SEMA4B: variants seen among roughly 807,000 people sequenced by gnomAD.
SEMA4B encodes the protein semaphorin-4B.
In SEMA4B, 55 loss-of-function variants were observed where a neutral mutation model predicts 88.1. The ratio of observed to expected loss-of-function variants is 0.62; its 90% CI spans 0.50 to 0.78. SEMA4B has a LOEUF of 0.78. Among genes scored for constraint, SEMA4B ranks in the 30% least tolerant of loss-of-function variants. The probability of loss-of-function intolerance (pLI) is 0.00; values close to 1 mark genes in which losing one functional copy is unlikely to be tolerated. For missense variants in SEMA4B, 1,062 were observed against 1,111.9 expected, an observed-to-expected ratio of 0.96 and a Z score of 0.64; for synonymous variants, 525 against 473.6, an observed-to-expected ratio of 1.11 and a Z score of -1.41.
chr15:90,187,537 C>T (rs1481528562), intron 1 of SEMA4B, among the ~76,000 whole-genome samples: 3 of 152,146 alleles, frequency 2.0e-5, no homozygotes, highest in Non-Finnish European at 4.4e-5. Context: ...TTCACTGCAG[C>T]ATAATGAGGT....
chr15:90,204,303 G>T (rs1960887433), intron 1 of SEMA4B, among the ~76,000 whole-genome samples: 1 of 152,224 alleles, frequency 6.6e-6, no homozygotes, highest in African/African-American at 2.4e-5. Context: ...TGCCCCGTAA[G>T]GACCCAGATG....
At position 90,223,963 on chromosome 15, in the gene SEMA4B, C is replaced by T. The variant is rs375879354; in HGVS notation, c.1169C>T (p.Pro390Leu). ...ETQQWYTVTH[P>L]VPTPRPGACI... ...CAGCAGTGGTACACCGTGACCCACC[C>T]GGTGCCCACACCCCGGCCTGGAGCG... Residue 390 changes from proline (P) to leucine (L), a missense_variant, in exon 9 of 14, where the codon CCG becomes CTG. Transcript: ENST00000411539. The T allele has an allele frequency of 2.5e-4, 410 of 1,613,354 alleles. No individual in the cohort carries two copies. Among genetic ancestry groups the T allele is most frequent in the East Asian group, 6.2e-4 (28 of 44,876 alleles).
At chr15:90,191,514 C>T (rs1486668843) in intron 1 of SEMA4B, among the ~76,000 whole-genome samples, 1 of 152,184 alleles carries the variant, frequency 6.6e-6, no homozygotes, top group Non-Finnish European at 1.5e-5. Flanking sequence ...TCTCCAGCCA[C>T]CCATGAAGTG....
At chr15:90,190,196 G>T (rs72760439) in intron 1 of SEMA4B, 3,878 of 152,344 alleles carry the variant, frequency 0.025, 73 homozygotes, top group Non-Finnish European at 0.037. Context: ...TGGATCTTTG[G>T]TGCCACCCTC....
In SEMA4B at chr15:90,223,766, A is replaced by G. The variant is rs116298252; in HGVS notation, c.1043+26A>G. 5.7e-4 allele frequency: 917 copies of G among 1,603,400 alleles called. 7 individuals carry two copies. The African/African-American group carries it at 0.011, about 20-fold the overall frequency. On this transcript the variant is annotated intron_variant, in intron 8 of 13. Coordinates refer to ENST00000411539, the MANE Select transcript of SEMA4B (RefSeq NM_198925.4). The stretch of plus-strand genomic sequence containing the variant: ...GTAGGGCCTCCAGACCTCGCTGGAG[A>G]TGGAAGGGTGAAGGGTGGCTGGGAC...
At chr15:90,193,653 G>A (rs997173795) in intron 1 of SEMA4B, 3 of 152,122 alleles carry the variant, frequency 2.0e-5, no homozygotes, top group Admixed American at 6.6e-5. Context: ...AAGACACCAG[G>A]GCAAAGCAGC....
At chr15:90,227,773 G>A (rs777786206) in intron 13 of SEMA4B, 131 bp downstream of exon 13, 105 of 1,476,174 alleles carry the variant, frequency 7.1e-5, no homozygotes, top group Admixed American at 2.9e-4. Context: ...AGGTCCCCAG[G>A]AAGACTCAGT....
chr15:90,203,544 A>G (rs1487821514), intron 1 of SEMA4B, among the ~76,000 whole-genome samples: 1 of 152,132 alleles, frequency 6.6e-6, no homozygotes, highest in Non-Finnish European at 1.5e-5. Flanking sequence ...CAGCGAGGGG[A>G]ATCGAGGGGA....
chr15:90,217,727 C>G, intron 2 of SEMA4B, 40 bp from the exon 3 acceptor site: 1 of 1,609,566 alleles, frequency 6.2e-7, no homozygotes, highest in Non-Finnish European at 8.5e-7. Context: ...TCAGCAAACC[C>G]TCCATTTTGT....
At chr15:90,222,324 C>G (rs1338284190) in intron 7 of SEMA4B, among the ~76,000 whole-genome samples, 1 of 146,834 alleles carries the variant, frequency 6.8e-6, no homozygotes, top group Non-Finnish European at 1.5e-5. Flanking sequence ...AATCCCAGCA[C>G]TTTGGGAGGC....
At chr15:90,201,820 G>A (rs1960756884) in intron 1 of SEMA4B, 85 bp downstream of exon 1, 5 of 1,290,776 alleles carry the variant, frequency 3.9e-6, no homozygotes, top group Non-Finnish European at 5.0e-6. Flanking sequence ...CGTGACAAAG[G>A]ACCAAGGAGG....
rs3029937 is a variant in SEMA4B at position 90,212,643 on chromosome 15, T to TACACACAC, written c.158-4779_158-4772dup. Among the ~76,000 whole-genome samples, 130 of 150,034 alleles carry TACACACAC rather than the reference T, an allele frequency of 8.7e-4. No homozygotes were observed. The highest frequency in any genetic ancestry group is 3.0e-3 in the African/African-American group (122 of 40,960). ...CGTGGACAAGCCCTGCGGTACCGTG[T>TACACACAC]ACACACACACACACACACACACACC... On this transcript the variant is annotated intron_variant, in intron 1 of 13. Transcript: ENST00000411539. The surrounding 1 kb of genome is among the most constrained non-coding windows in gnomAD (Gnocchi z 4.0).
At chr15:90,209,005 G>A (rs1324205837) in intron 1 of SEMA4B, among the ~76,000 whole-genome samples, 2 of 152,082 alleles carry the variant, frequency 1.3e-5, no homozygotes, top group Non-Finnish European at 2.9e-5. Flanking sequence ...CAGTGCTTTT[G>A]GGAGGGGTCA....
Position 90,225,832 on chromosome 15 carries a change from G to A in SEMA4B, c.1688+5G>A. 2 of 1,516,804 alleles carry A rather than the reference G, an allele frequency of 1.3e-6. No homozygotes were observed. The highest frequency in any genetic ancestry group is 1.3e-5 in the South Asian group (1 of 77,876). The allele number at this position is 1,516,804 out of a possible 1,614,324, so 94.0% of individuals were successfully genotyped here. ...CCAGCCTCAGCTGGCCACCAGGTGA[G>A]CACTCCCAAAGGCCCCTTCCCATCT... On this transcript the variant is annotated splice_donor_5th_base_variant and intron_variant, in intron 12 of 13. Transcript: ENST00000411539.
At chr15:90,217,366 A>G (rs1460979095) in intron 1 of SEMA4B, 73 bp from the exon 2 acceptor site, 1 of 1,464,364 alleles carries the variant, frequency 6.8e-7, no homozygotes, top group Non-Finnish European at 9.2e-7. Flanking sequence ...AAACCAGTCC[A>G]TCTAAAGGTT....
chr15:90,223,298 A>G (rs933441981), intron 7 of SEMA4B, among the ~76,000 whole-genome samples: 2 of 152,162 alleles, frequency 1.3e-5, no homozygotes, highest in Admixed American at 1.3e-4. Context: ...ATTAGGCTAT[A>G]TTGGGGTCCT....
chr15:90,227,445 G>A, intron 12 of SEMA4B, 112 bp from the exon 13 acceptor site: 1 of 787,460 alleles, frequency 1.3e-6, no homozygotes, highest in Non-Finnish European at 2.1e-6. Context: ...CCTGTGGGTG[G>A]GGAATCAGCT....
chr15:90,202,225 CT>C (rs1346789959), intron 1 of SEMA4B, among the ~76,000 whole-genome samples: 1 of 152,264 alleles, frequency 6.6e-6, no homozygotes, highest in African/African-American at 2.4e-5. Flanking sequence ...CCATCCCTGG[CT>C]TGCCAGTGCA....
At chr15:90,207,678 G>A (rs959747763) in intron 1 of SEMA4B, among the ~76,000 whole-genome samples, 4 of 152,184 alleles carry the variant, frequency 2.6e-5, no homozygotes, top group East Asian at 1.9e-4. Flanking sequence ...CCTGTGAATC[G>A]TACAAAAGCA....
Sources: allele counts gnomAD v4.1 joint callset (sites outside exome capture counted in the v4.1 genomes callset), GRCh38; gene constraint gnomAD v4.1.1; non-coding constraint Gnocchi (gnomAD v3.1); transcripts MANE v1.5; gene names NCBI Gene and HGNC (gene_info 2026-07-23, HGNC 2026-07-21).